The following JPH1 variants were observed in gnomAD, a reference collection of about 807,000 sequenced individuals.
JPH1 encodes junctophilin-1.
Under a neutral mutation model 53.6 loss-of-function variants are expected in JPH1, and 12 were observed. The ratio of observed to expected loss-of-function variants is 0.22; its 90% CI spans 0.14 to 0.36. JPH1 has a LOEUF of 0.36. Among genes scored for constraint, JPH1 ranks in the 10% least tolerant of loss-of-function variants. The pLI is 1.00. For synonymous variants in JPH1, 375 were observed against 363.8 expected (o/e 1.03, Z -0.35); for missense variants, 808 against 905.5 (o/e 0.89, Z 1.38).
intron 2 of JPH1, among the ~76,000 whole-genome samples, chr8:74,301,308 C>G (rs960594901): frequency 9.9e-5 from 15 of 152,182 alleles, no homozygotes; most frequent in African/African-American, 3.4e-4. Flanking sequence ...CTCCCCAAAG[C>G]CAAAAGCAGA....
At chr8:74,265,532 T>C (rs181390206) in intron 2 of JPH1, among the ~76,000 whole-genome samples, 47 of 152,296 alleles carry the variant, frequency 3.1e-4, no homozygotes, top group African/African-American at 1.0e-3. Flanking sequence ...TATTTATGGG[T>C]TGAGAAAAAT....
At chr8:74,278,984 C>T (rs572496412) in intron 2 of JPH1, among the ~76,000 whole-genome samples, 23 of 147,452 alleles carry the variant, frequency 1.6e-4, no homozygotes, top group South Asian at 4.2e-4. Context: ...CACACGCACA[C>T]GCGCGCACAC....
chr8:74,283,096 A>G (rs1310039498), intron 2 of JPH1, among the ~76,000 whole-genome samples: 1 of 152,218 alleles, frequency 6.6e-6, no homozygotes, highest in Non-Finnish European at 1.5e-5. Context: ...TTAGGGGAGC[A>G]GCGAGTAAAA....
intron 2 of JPH1, among the ~76,000 whole-genome samples, chr8:74,296,295 T>C (rs1004012773): frequency 1.3e-5 from 2 of 152,208 alleles, no homozygotes; most frequent in Non-Finnish European, 2.9e-5. Context: ...AAAAATGACC[T>C]ATTCATAATT....
At chr8:74,257,720 G>T (rs568450252) in intron 3 of JPH1, among the ~76,000 whole-genome samples, 1 of 152,062 alleles carries the variant, frequency 6.6e-6, no homozygotes, top group African/African-American at 2.4e-5. Context: ...AAATGGAAAG[G>T]TTCCTTTTCC....
intron 3 of JPH1, among the ~76,000 whole-genome samples, chr8:74,251,964 C>T (rs1806079902): frequency 1.3e-5 from 2 of 152,076 alleles, no homozygotes; most frequent in South Asian, 4.1e-4. Context: ...GTACTGCTAC[C>T]AAAACAGAGA....
intron 4 of JPH1, among the ~76,000 whole-genome samples, chr8:74,240,425 C>T (rs1450799173): frequency 6.6e-6 from 1 of 151,930 alleles, no homozygotes; most frequent in Non-Finnish European, 1.5e-5. Context: ...TCCATCCAGC[C>T]TCTGGTAACC....
At chr8:74,302,189 C>T (rs1198547010) in intron 2 of JPH1, among the ~76,000 whole-genome samples, 1 of 152,236 alleles carries the variant, frequency 6.6e-6, no homozygotes, top group Non-Finnish European at 1.5e-5. Flanking sequence ...AAGAAGAGAA[C>T]AATGTGCACC....
chr8:74,289,522 C>G (rs1807261417), intron 2 of JPH1, among the ~76,000 whole-genome samples: 1 of 152,168 alleles, frequency 6.6e-6, no homozygotes, highest in Non-Finnish European at 1.5e-5. Flanking sequence ...GCCCCCAGCA[C>G]CTGTATTGGT....
rs201080994 is a variant in JPH1 at position 74,284,829 on chromosome 8, C to CTT, written c.1140-25328_1140-25327dup. Among the ~76,000 whole-genome samples the CTT allele has an allele frequency of 9.2e-3, 1,121 of 122,198 alleles. 7 individuals carry two copies. Among genetic ancestry groups the CTT allele is most frequent in the African/African-American group, 0.026 (861 of 33,538 alleles). 80.2% of individuals were successfully genotyped at this position (122,198 alleles called of 152,430 possible). On this transcript the variant is annotated intron_variant, in intron 2 of 5. Coordinates refer to ENST00000342232, the MANE Select transcript of JPH1 (RefSeq NM_020647.4). ...TATGGTTACTATTTCTTCTTTCTTT[C>CTT]TTTTTTTTTTTTTCAGACAAAGTCT...
intron 2 of JPH1, among the ~76,000 whole-genome samples, chr8:74,282,750 A>G (rs1441947245): frequency 1.3e-5 from 2 of 152,202 alleles, no homozygotes; most frequent in Non-Finnish European, 2.9e-5. Context: ...CTATAGCACT[A>G]CAGGGTGACT....
chr8:74,272,100 T>C (rs1448816666), intron 2 of JPH1, among the ~76,000 whole-genome samples: 1 of 152,208 alleles, frequency 6.6e-6, no homozygotes, highest in East Asian at 1.9e-4. Flanking sequence ...GTAACACTTC[T>C]CCAGGTTTCA....
chr8:74,302,288 G>A (rs1019627818), intron 2 of JPH1, among the ~76,000 whole-genome samples: 2 of 152,120 alleles, frequency 1.3e-5, no homozygotes, highest in Non-Finnish European at 2.9e-5. Flanking sequence ...TCCTTATCTG[G>A]AAACACTGCC....
intron 1 of JPH1, among the ~76,000 whole-genome samples, chr8:74,318,647 C>T (rs991599118): frequency 2.6e-5 from 4 of 152,146 alleles, no homozygotes; most frequent in African/African-American, 7.2e-5. Context: ...TTCCTTCCTC[C>T]TCCAGTTTAA....
chr8:74,285,089 T>A (rs547760583), intron 2 of JPH1, among the ~76,000 whole-genome samples: 2 of 152,180 alleles, frequency 1.3e-5, no homozygotes, highest in African/African-American at 4.8e-5. Context: ...TCCCAAAGTG[T>A]TGGGATTACA....
intron 2 of JPH1, among the ~76,000 whole-genome samples, chr8:74,265,257 A>T (rs1487332888): frequency 6.6e-6 from 1 of 152,210 alleles, no homozygotes; most frequent in African/African-American, 2.4e-5. Context: ...GGTGTCTACT[A>T]TTCAGCCTCC....
chr8:74,293,534 G>A (rs888625166), intron 2 of JPH1, among the ~76,000 whole-genome samples: 2 of 152,180 alleles, frequency 1.3e-5, no homozygotes, highest in African/African-American at 4.8e-5. Context: ...AAGATCTCAA[G>A]TTGCACAGCT....
Position 74,315,042 on chromosome 8 carries a change from C to T in JPH1, c.958G>A (p.Val320Met), listed in dbSNP as rs762085275. 31 of 1,614,088 alleles carry T rather than the reference C, an allele frequency of 1.9e-5. No homozygotes were observed. In the Admixed American group the frequency reaches 2.7e-4, roughly 14 times the overall value. ...TCTTCTTTGGAGCCGTCAGGAAACA[C>T]GGTACAGCCATATCCATGCCTCTTG... ...NNKRHGYGCT[V>M]FPDGSKEEGK... is the part of the protein sequence containing the mutation. The change falls in exon 2 of 6, where the codon GTG becomes ATG. Residue 320 changes from valine (V) to methionine (M), a missense_variant. This residue lies in a region of JPH1 where 756 missense variants were observed against 811.9 expected (regional missense o/e 0.93). Transcript: ENST00000342232. This position sits in a 1 kb window ranked among gnomAD's most constrained non-coding sequence, Gnocchi z 6.3.
At position 74,315,721 on chromosome 8, in the gene JPH1, C is replaced by G; in HGVS notation, c.380-101G>C. 1 of 1,193,274 alleles carries G rather than the reference C, an allele frequency of 8.4e-7. No homozygotes were observed. Among genetic ancestry groups the G allele is most frequent in the Admixed American group, 3.1e-5 (1 of 32,130 alleles). 73.9% of individuals were successfully genotyped at this position (1,193,274 alleles called of 1,614,324 possible). The stretch of plus-strand genomic sequence containing the variant: ...GGCGCAGGCCTGCCCAAGGTCAAAT[C>G]TGACCCATTTCCAAGTCAACCCTGG... On this transcript the variant is annotated intron_variant, in intron 1 of 5. Transcript: ENST00000342232. The surrounding 1 kb of genome is among the most constrained non-coding windows in gnomAD (Gnocchi z 6.3).
Sources: allele counts gnomAD v4.1 joint callset (sites outside exome capture counted in the v4.1 genomes callset), GRCh38; gene constraint gnomAD v4.1.1; regional missense constraint gnomAD v4.1.1; non-coding constraint Gnocchi (gnomAD v3.1); transcripts MANE v1.5; gene names NCBI Gene and HGNC (gene_info 2026-07-23, HGNC 2026-07-21).